The following MDN1 variants were observed in gnomAD, a reference collection of about 807,000 sequenced individuals.
MDN1 encodes midasin.
A neutral mutation model predicts 669.2 loss-of-function variants in MDN1; 266 were observed. The observed-to-expected ratio is 0.40, with a 90% CI of 0.36 to 0.44. The LOEUF (loss-of-function observed/expected upper bound fraction) is 0.44. Ranked by LOEUF, MDN1 falls within the 20% of genes least tolerant of loss-of-function variation. The pLI, the probability that MDN1 is intolerant of heterozygous loss-of-function variation, is 1.00. For missense variants in MDN1, 5,940 were observed against 6,754.0 expected (o/e 0.88, Z 4.22); for synonymous variants, 2,385 against 2,457.1 (o/e 0.97, Z 0.87).
At chr6:89,749,791 G>A in intron 24 of MDN1, 40 bp from the exon 25 acceptor site, 1 of 1,463,062 alleles carries the variant, frequency 6.8e-7, no homozygotes, top group Non-Finnish European at 9.5e-7. Context: ...GTATAAATCA[G>A]TACAAAGTTT....
intron 2 of MDN1, among the ~76,000 whole-genome samples, chr6:89,798,181 C>CAAAAA (rs10706907): frequency 5.2e-4 from 37 of 71,418 alleles, no homozygotes; most frequent in South Asian, 1.1e-3. Context: ...GACTCTGTCT[C>CAAAAA]AAAAAAAAAA....
At chr6:89,746,285 C>T (rs748411273) in intron 27 of MDN1, among the ~76,000 whole-genome samples, 23 of 152,228 alleles carry the variant, frequency 1.5e-4, no homozygotes, top group Middle Eastern at 6.8e-3. Flanking sequence ...CTGTTTGTTA[C>T]ACCTCACTAA....
intron 3 of MDN1, 117 bp downstream of exon 3, chr6:89,794,460 C>G: frequency 4.8e-6 from 5 of 1,036,684 alleles, no homozygotes; most frequent in Non-Finnish European, 7.1e-6. Context: ...CCAAAAGCCA[C>G]AAGAACAAAA....
At chr6:89,645,247 G>C in intron 100 of MDN1, 90 bp from the exon 101 acceptor site, 1 of 1,390,728 alleles carries the variant, frequency 7.2e-7, no homozygotes, top group Non-Finnish European at 9.8e-7. Context: ...AATTAGTGTA[G>C]GCTTTCTCTG....
chr6:89,764,387 T>C (rs575428666), intron 15 of MDN1, among the ~76,000 whole-genome samples: 1 of 152,212 alleles, frequency 6.6e-6, no homozygotes, highest in Non-Finnish European at 1.5e-5. Flanking sequence ...GGTGGATTGC[T>C]TGAGCTCCAG....
chr6:89,801,602 ACCATG>A (rs940110883), intron 2 of MDN1, among the ~76,000 whole-genome samples: 4 of 151,896 alleles, frequency 2.6e-5, no homozygotes, highest in Admixed American at 6.6e-5. Flanking sequence ...GTGAGCCAAG[ACCATG>A]CCACTGCACT....
chr6:89,776,508 G>A (rs1818363220), intron 12 of MDN1, 92 bp downstream of exon 12: 1 of 900,922 alleles, frequency 1.1e-6, no homozygotes, highest in Non-Finnish European at 1.7e-6. Context: ...CACTGCAAAA[G>A]CTGTTCCAAC....
At chr6:89,751,888 T>C (rs902816469) in intron 22 of MDN1, among the ~76,000 whole-genome samples, 4 of 152,158 alleles carry the variant, frequency 2.6e-5, no homozygotes, top group Admixed American at 6.5e-5. Flanking sequence ...ATTATTTTTA[T>C]CAAAAACATG....
Position 89,645,039 on chromosome 6 carries a change from A to C in MDN1, c.16578T>G (p.Val5526=), listed in dbSNP as rs1002647292. 1.2e-6 allele frequency: 2 copies of C among 1,607,620 alleles called. No homozygotes were observed. Among genetic ancestry groups the C allele is most frequent in the African/African-American group, 2.7e-5 (2 of 74,964 alleles). ...CCCGTGAACTGGGATTGTCCAATAC[A>C]ACAAAGATGACAAAGATATTTGCAT... is the stretch of plus-strand genomic sequence containing the variant. ...ARNANIFVIF[V]VLDNPSSRDS... Residue 5526 remains valine, a synonymous_variant, in exon 101 of 102, where the codon GTT becomes GTG. Transcript: ENST00000369393.
rs1810370829 is a variant in MDN1, at chr6:89,667,843, G to A, written c.14094+171C>T. Among the ~76,000 whole-genome samples, 5 of 152,064 alleles carry A rather than the reference G, an allele frequency of 3.3e-5. No homozygotes were observed. The South Asian group carries it at 1.0e-3, about 32-fold the overall frequency. On this transcript the variant is annotated intron_variant, in intron 84 of 101. Transcript: ENST00000369393. Reference sequence around the variant, plus strand: ...TGGAGTTGCCAGGTTCCTTCCTGTGGATTTTAGGCTTTTTATTTACACCCA... The same window carrying A: ...TGGAGTTGCCAGGTTCCTTCCTGTGAATTTTAGGCTTTTTATTTACACCCA...
chr6:89,730,634 T>C (rs1271292652), intron 35 of MDN1, 92 bp downstream of exon 35: 3 of 939,026 alleles, frequency 3.2e-6, no homozygotes, highest in Middle Eastern at 3.5e-4. Flanking sequence ...AATATAATCA[T>C]GAGTATTACA....
chr6:89,781,322 G>A, intron 10 of MDN1, 77 bp downstream of exon 10: 1 of 1,464,774 alleles, frequency 6.8e-7, no homozygotes, highest in South Asian at 1.1e-5. Flanking sequence ...CTGCACTCCA[G>A]CCTGGGTAAC....
chr6:89,752,277 T>G (rs867489908), intron 22 of MDN1, among the ~76,000 whole-genome samples: 1 of 152,268 alleles, frequency 6.6e-6, no homozygotes. Context: ...AGGATCTTTT[T>G]AAGTTTCTAT....
Position 89,722,997 on chromosome 6 carries a change from C to G in MDN1, c.5925G>C (p.Leu1975Phe), listed in dbSNP as rs1264220808. 8 of 1,613,712 alleles carry G rather than the reference C, an allele frequency of 5.0e-6. No individual in the cohort carries two copies. The highest frequency in any genetic ancestry group is 6.8e-6 in the Non-Finnish European group (8 of 1,179,794). ...GCYDPGQHVFLVYGERMRTEE... is the reference protein window; with the variant it reads ...GCYDPGQHVFFVYGERMRTEE... ...CGGTTCTCATTCTTTCACCATAGAC[C>G]AAAAACACATGCTGACCAGGATCAT... Residue 1975 changes from leucine (L) to phenylalanine (F), a missense_variant, in exon 40 of 102, where the codon TTG (leucine) becomes TTC (phenylalanine). By Grantham distance (22) the Leu-to-Phe change is conservative (BLOSUM62 0). Coordinates refer to ENST00000369393, the MANE Select transcript of MDN1 (RefSeq NM_014611.3).
chr6:89,696,014 A>C (rs769820383), intron 60 of MDN1, 22 bp from the exon 61 acceptor site: 1 of 1,593,758 alleles, frequency 6.3e-7, no homozygotes, highest in Non-Finnish European at 8.6e-7. Flanking sequence ...AAAAGAAAGC[A>C]CTGAAAGGTT....
chr6:89,668,084 T>C lies in MDN1; in HGVS notation c.14024A>G (p.Tyr4675Cys), dbSNP rs1332947979. The change falls in exon 84 of 102, where the codon TAT becomes TGT. Residue 4675 changes from tyrosine (Y) to cysteine (C), a missense_variant. Coordinates refer to ENST00000369393, the MANE Select transcript of MDN1 (RefSeq NM_014611.3). ...AGEGATEFHD[Y>C]EGGGIGEGEG... Reference sequence around the variant, plus strand: ...GCCTTCTCCAATTCCACCTCCCTCATAGTCATGGAACTCAGTTGCTCCCTC... The same window carrying C: ...GCCTTCTCCAATTCCACCTCCCTCACAGTCATGGAACTCAGTTGCTCCCTC... 1.9e-5 allele frequency: 30 copies of C among 1,614,124 alleles called. No homozygotes were observed. The highest frequency in any genetic ancestry group is 2.2e-5 in the Non-Finnish European group (26 of 1,180,004).
Position 89,664,691 on chromosome 6 carries a change from G to T in MDN1, c.14095-63C>A, listed in dbSNP as rs537708857. ...TTACCAATGTTTGCTTCAGCTGTGA[G>T]ATATAAATGCCAAGGTTAATGGTGT... On this transcript the variant is annotated intron_variant, in intron 84 of 101. Coordinates refer to ENST00000369393, the MANE Select transcript of MDN1 (RefSeq NM_014611.3). The T allele has an allele frequency of 2.2e-5, 30 of 1,345,710 alleles. No individual in the cohort carries two copies. The African/African-American group carries it at 4.0e-4, about 18-fold the overall frequency. 83.4% of individuals were successfully genotyped at this position (1,345,710 alleles called of 1,614,324 possible).
intron 78 of MDN1, 72 bp from the exon 79 acceptor site, chr6:89,674,661 G>T (rs1010442903): frequency 3.4e-6 from 5 of 1,484,126 alleles, no homozygotes; most frequent in African/African-American, 2.8e-5. Context: ...TGTTTTAAAA[G>T]AAATTTGTGT....
chr6:89,762,849 G>A (rs76163350), intron 15 of MDN1, among the ~76,000 whole-genome samples: 1 of 152,082 alleles, frequency 6.6e-6, no homozygotes, highest in Admixed American at 6.6e-5. Context: ...GAGCCCAGGA[G>A]TTCAAGCCCA....
Sources: gnomAD v4.1 joint callset for allele counts (sites outside exome capture counted in the v4.1 genomes callset) on GRCh38, gnomAD v4.1.1 for gene constraint, MANE v1.5 for transcripts, NCBI Gene and HGNC (gene_info 2026-07-23, HGNC 2026-07-21) for gene names.